Variants in DPYSL3 observed in about 807,000 individuals in gnomAD.
The protein encoded by DPYSL3 is dihydropyrimidinase-related protein 3.
DPYSL3 carries 16 observed loss-of-function variants against 66.1 expected under a neutral mutation model. That is an observed-to-expected ratio of 0.24 (90% confidence interval 0.16 to 0.37). The LOEUF is 0.37. Among genes scored for constraint, DPYSL3 ranks in the 10% least tolerant of loss-of-function variants. DPYSL3 has a pLI of 1.00. For missense variants in DPYSL3, 738 were observed against 916.2 expected (o/e 0.81, Z 2.51); for synonymous variants, 338 against 345.1 (o/e 0.98, Z 0.23).
At chr5:147,434,543 C>T (rs374514492) in intron 1 of DPYSL3, among the ~76,000 whole-genome samples, 3 of 152,076 alleles carry the variant, frequency 2.0e-5, no homozygotes, top group Admixed American at 6.5e-5. Context: ...TAAGGGTAAA[C>T]GAGTTTAATA....
At chr5:147,479,730 C>T (rs528468356) in intron 1 of DPYSL3, among the ~76,000 whole-genome samples, 4 of 152,246 alleles carry the variant, frequency 2.6e-5, no homozygotes, top group South Asian at 2.1e-4. Context: ...TTAGCAAGGC[C>T]AGCTTCCCAG....
intron 10 of DPYSL3, 55 bp downstream of exon 10, chr5:147,400,637 T>C: frequency 6.3e-7 from 1 of 1,594,744 alleles, no homozygotes; most frequent in Non-Finnish European, 8.6e-7. Flanking sequence ...GAGGTTCTGA[T>C]CTGGCCCATG....
At chr5:147,397,367 T>C (rs1758020931) in intron 12 of DPYSL3, among the ~76,000 whole-genome samples, 1 of 152,146 alleles carries the variant, frequency 6.6e-6, no homozygotes, top group Non-Finnish European at 1.5e-5. Flanking sequence ...GAGTCATTTA[T>C]TTTTTAAAAA....
At chr5:147,434,461 C>T (rs569079583) in intron 1 of DPYSL3, among the ~76,000 whole-genome samples, 2 of 152,198 alleles carry the variant, frequency 1.3e-5, no homozygotes, top group African/African-American at 4.8e-5. Context: ...CCTTGAGCCC[C>T]TGGGCCTGTG....
chr5:147,502,020 G>A (rs1322151954), intron 1 of DPYSL3, among the ~76,000 whole-genome samples: 1 of 152,090 alleles, frequency 6.6e-6, no homozygotes, highest in Non-Finnish European at 1.5e-5. Context: ...TAATCTGTGT[G>A]GCTTATAAAT....
intron 1 of DPYSL3, among the ~76,000 whole-genome samples, chr5:147,480,700 TA>T (rs1753222812): frequency 8.3e-6 from 1 of 121,068 alleles, no homozygotes; most frequent in Non-Finnish European, 1.7e-5. Context: ...CATGAATATA[TA>T]TATATTATTA....
At chr5:147,401,905 C>A in intron 8 of DPYSL3, 2 of 469,584 alleles carry the variant, frequency 4.3e-6, no homozygotes, top group East Asian at 4.0e-5. Flanking sequence ...TTAAAAGAAG[C>A]CATTGGTTGT....
intron 1 of DPYSL3, among the ~76,000 whole-genome samples, chr5:147,485,767 G>C (rs77816694): frequency 0.011 from 1,739 of 152,134 alleles, 65 homozygotes; most frequent in East Asian, 0.087. Context: ...CTCCTCCTCC[G>C]CAATCCTCTT....
intron 1 of DPYSL3, among the ~76,000 whole-genome samples, chr5:147,493,540 C>T (rs1425895394): frequency 1.3e-5 from 2 of 151,786 alleles, no homozygotes; most frequent in Non-Finnish European, 2.9e-5. Context: ...TGCTACTGCA[C>T]TCCAGCCTGG....
rs1751949259 is a variant in DPYSL3 at position 147,415,689 on chromosome 5, G to A, written c.820+20C>T. 2 of 1,610,068 alleles carry A rather than the reference G, an allele frequency of 1.2e-6. No individual in the cohort carries two copies. Among genetic ancestry groups the A allele is most frequent in the African/African-American group, 2.7e-5 (2 of 74,858 alleles). On this transcript the variant is annotated intron_variant, in intron 4 of 13. Coordinates refer to ENST00000343218, the MANE Select transcript of DPYSL3 (RefSeq NM_001197294.2). ...AAGAAGAAGCTAAGAGAGGAGGGAGGACGGCATGTCCGGGCTCACCTTTGT... is the reference window on the plus strand; with the variant it reads ...AAGAAGAAGCTAAGAGAGGAGGGAGAACGGCATGTCCGGGCTCACCTTTGT...
At chr5:147,477,561 CTTTTTTTTTTTTTTTTTTTTTT>C (rs56406515) in intron 1 of DPYSL3, among the ~76,000 whole-genome samples, 1 of 64,760 alleles carries the variant, frequency 1.5e-5, no homozygotes, top group Non-Finnish European at 2.7e-5. Context: ...ACACCTAAAT[CTTTTTTTTTTTTTTTTTTTTTT>C]TTTTTTTTTT....
At chr5:147,394,160 A>G (rs1262561424) in intron 13 of DPYSL3, 37 bp from the exon 14 acceptor site, 17 of 1,607,500 alleles carry the variant, frequency 1.1e-5, no homozygotes, top group Non-Finnish European at 1.4e-5. Context: ...GGAAAAAAAA[A>G]ACAGAGTGGC....
intron 1 of DPYSL3, among the ~76,000 whole-genome samples, chr5:147,459,218 A>T (rs1451413365): frequency 6.6e-6 from 1 of 152,104 alleles, no homozygotes; most frequent in Admixed American, 6.5e-5. Context: ...AATATTTTTT[A>T]CTTTCTAAAA....
At chr5:147,507,801 G>A (rs1753703289) in intron 1 of DPYSL3, among the ~76,000 whole-genome samples, 1 of 152,132 alleles carries the variant, frequency 6.6e-6, no homozygotes, top group African/African-American at 2.4e-5. Flanking sequence ...CGGGAGAATT[G>A]CTAGGTTTAA....
chr5:147,484,183 T>G (rs188477766), intron 1 of DPYSL3, among the ~76,000 whole-genome samples: 1 of 152,354 alleles, frequency 6.6e-6, no homozygotes, highest in African/African-American at 2.4e-5. Flanking sequence ...TTTGGGAATT[T>G]CATCCTGTTT....
intron 1 of DPYSL3, among the ~76,000 whole-genome samples, chr5:147,466,793 C>G (rs1016454037): frequency 1.3e-5 from 2 of 152,168 alleles, no homozygotes; most frequent in Non-Finnish European, 1.5e-5. Context: ...CTCCTGTTTC[C>G]TGTACTCAGC....
Position 147,391,837 on chromosome 5 carries a change from G to A in DPYSL3, c.*2198C>T, listed in dbSNP as rs1757817935. 6.6e-6 allele frequency: 1 copy of A among 152,162 alleles called. No homozygotes were observed. Among genetic ancestry groups the A allele is most frequent in the Non-Finnish European group, 1.5e-5 (1 of 68,028 alleles). The allele number at this position is 152,162 out of a possible 1,614,324, so 9.4% of individuals were successfully genotyped here. A position where few individuals can be genotyped will look rare whatever the true frequency, so the allele number is the denominator to read the frequency against. On this transcript the variant is annotated 3_prime_UTR_variant, in exon 14 of 14. Transcript: ENST00000343218. ...GTTGTTCCCAGAGCAAGGAAATCTT[G>A]TGCAGAATCAAAGGTTCTGGTGGAA...
intron 3 of DPYSL3, 116 bp from the exon 4 acceptor site, chr5:147,415,989 G>T: frequency 1.6e-6 from 2 of 1,221,890 alleles, no homozygotes; most frequent in African/African-American, 1.5e-5. Flanking sequence ...CCTGAGCATG[G>T]AATTAACTTT....
At chr5:147,447,699 T>C (rs1027130278) in intron 1 of DPYSL3, among the ~76,000 whole-genome samples, 7 of 152,022 alleles carry the variant, frequency 4.6e-5, no homozygotes, top group African/African-American at 1.5e-4. Flanking sequence ...GGAGAAACCC[T>C]GTCTCTACTA....
Sources: gnomAD v4.1 joint callset for allele counts (sites outside exome capture counted in the v4.1 genomes callset) on GRCh38, gnomAD v4.1.1 for gene constraint, MANE v1.5 for transcripts, NCBI Gene and HGNC (gene_info 2026-07-23, HGNC 2026-07-21) for gene names.